Variants in PRKDC observed in about 807,000 individuals in gnomAD.
PRKDC encodes the protein protein kinase, DNA-activated, catalytic subunit.
Under a neutral mutation model 486.9 loss-of-function variants are expected in PRKDC, and 82 were observed. The ratio of observed to expected loss-of-function variants is 0.17; its 90% CI spans 0.14 to 0.20. The LOEUF (loss-of-function observed/expected upper bound fraction) is 0.20. Ranked by LOEUF, PRKDC falls within the 10% of genes least tolerant of loss-of-function variation. The probability of loss-of-function intolerance (pLI) is 1.00; values close to 1 mark genes in which losing one functional copy is unlikely to be tolerated. For missense variants in PRKDC, 4,504 were observed against 5,038.2 expected (o/e 0.89, Z 3.21); for synonymous variants, 1,895 against 1,837.0 (o/e 1.03, Z -0.81).
Position 47,895,339 on chromosome 8 carries a change from T to C in PRKDC, c.3598+1822A>G, listed in dbSNP as rs78107331. ...TCCTTAATGTTATACAAATTACCTG[T>C]TGGAAGAAGGGCAAGGCTCACCTAC... On this transcript the variant is annotated intron_variant, in intron 30 of 85. Coordinates refer to ENST00000314191, the MANE Select transcript of PRKDC (RefSeq NM_006904.7). Among the ~76,000 whole-genome samples, 135 of 152,314 alleles carry C rather than the reference T, an allele frequency of 8.9e-4. 3 individuals carry two copies. The East Asian group carries it at 0.024, about 27-fold the overall frequency.
At chr8:47,899,251 A>C (rs2089637170) in intron 28 of PRKDC, among the ~76,000 whole-genome samples, 1 of 152,258 alleles carries the variant, frequency 6.6e-6, no homozygotes, top group Non-Finnish European at 1.5e-5. Flanking sequence ...TAAACAAAGC[A>C]AATTTAAGCA....
In PRKDC at chr8:47,783,760, G is replaced by A. The variant is rs746537000; in HGVS notation, c.11157C>T (p.Ile3719=). The A allele has an allele frequency of 5.6e-6, 9 of 1,613,790 alleles. No individual in the cohort carries two copies. Among genetic ancestry groups the A allele is most frequent in the African/African-American group, 4.0e-5 (3 of 74,880 alleles). ...GKPLPEYHVR[I]AGFDERVTVM... is the part of the protein sequence containing the mutation. ...CACCTACCCGCTCATCAAACCCGGC[G>A]ATTCGCACGTGGTACTCTGGCAATG... is the stretch of plus-strand genomic sequence containing the variant. Residue 3719 remains isoleucine, a synonymous_variant, in exon 78 of 86, where the codon ATC becomes ATT. Coordinates refer to ENST00000314191, the MANE Select transcript of PRKDC (RefSeq NM_006904.7).
In PRKDC at chr8:47,834,369, G is replaced by A. The variant is rs1377591407; in HGVS notation, c.7979C>T (p.Thr2660Ile). The change falls in exon 59 of 86, where the codon ACC (threonine) becomes ATC (isoleucine). Residue 2660 changes from threonine (T) to isoleucine (I), a missense_variant. Physicochemically the swap from Thr to Ile is moderately conservative, Grantham distance 89. Coordinates refer to ENST00000314191, the MANE Select transcript of PRKDC (RefSeq NM_006904.7). ...ADGRSSFDWL[T>I]GSSTDPLVDH... Reference sequence around the variant, plus strand: ...GACCAGCGGGTCAGTGCTGCTCCCGGTCAGCCAATCAAATGAGCTTCTTCC... The same window carrying A: ...GACCAGCGGGTCAGTGCTGCTCCCGATCAGCCAATCAAATGAGCTTCTTCC... The A allele has an allele frequency of 6.2e-7, 1 of 1,613,642 alleles. No homozygotes were observed. Among genetic ancestry groups the A allele is most frequent in the African/African-American group, 1.3e-5 (1 of 74,908 alleles).
intron 76 of PRKDC, among the ~76,000 whole-genome samples, chr8:47,786,935 G>A (rs1050405847): frequency 4.0e-5 from 6 of 151,672 alleles, no homozygotes; most frequent in Admixed American, 6.6e-5. Context: ...CACCATGTTG[G>A]CCAGACTGGT....
chr8:47,835,620 CAAAAA>C lies in PRKDC; in HGVS notation c.7951+713_7951+717del, dbSNP rs71548446. Among the ~76,000 whole-genome samples the C allele has an allele frequency of 4.4e-4, 9 of 20,480 alleles. No individual in the cohort carries two copies. In the South Asian group the frequency reaches 0.017, roughly 38 times the overall value. 13.4% of individuals were successfully genotyped at this position (20,480 alleles called of 152,430 possible). A position where few individuals can be genotyped will look rare whatever the true frequency, so the allele number is the denominator to read the frequency against. ...CTGGTGACAGAGCAGGACTCTGTCT[CAAAAA>C]AAAAAAAAAAAAAAAAAAAAAAAAG... is the stretch of plus-strand genomic sequence containing the variant. On this transcript the variant is annotated intron_variant, in intron 58 of 85. Coordinates refer to ENST00000314191, the MANE Select transcript of PRKDC (RefSeq NM_006904.7).
rs2090021359 is a variant in PRKDC, at chr8:47,918,354, C to G, written c.2449G>C (p.Ala817Pro). 3 of 1,590,596 alleles carry G rather than the reference C, an allele frequency of 1.9e-6. No homozygotes were observed. The highest frequency in any genetic ancestry group is 1.3e-5 in the African/African-American group (1 of 74,742). The change falls in exon 22 of 86, where the codon GCT (alanine) becomes CCT (proline). Residue 817 changes from alanine to proline, a missense_variant. Coordinates refer to ENST00000314191, the MANE Select transcript of PRKDC (RefSeq NM_006904.7). ...DETKNNWEVSALSRAAQKGFN... is the reference protein window; with the variant it reads ...DETKNNWEVSPLSRAAQKGFN... ...CCTTTCTGGGCAGCCCGAGAAAGAG[C>G]TGACACTTCCCAGTTATTCTTGGTC... is the stretch of plus-strand genomic sequence containing the variant.
At chr8:47,820,993 T>C (rs765456163) in intron 65 of PRKDC, 50 bp from the exon 66 acceptor site, 4 of 1,151,144 alleles carry the variant, frequency 3.5e-6, no homozygotes, top group Non-Finnish European at 3.6e-6. Context: ...AATTTGAGTA[T>C]GTCTAATTAT....
intron 23 of PRKDC, 114 bp from the exon 24 acceptor site, chr8:47,914,178 A>T: frequency 1.1e-6 from 1 of 876,830 alleles, no homozygotes; most frequent in Non-Finnish European, 1.5e-6. Context: ...TATTAAAGTG[A>T]AGCACTTCAT....
chr8:47,927,387 G>A (rs771435015), intron 20 of PRKDC, 34 bp from the exon 21 acceptor site: 8 of 1,575,292 alleles, frequency 5.1e-6, no homozygotes, highest in South Asian at 1.2e-5. Context: ...AAACTGAAAC[G>A]CAGGAAATAT....
chr8:47,900,298 C>A, intron 28 of PRKDC, 75 bp downstream of exon 28: 1 of 1,032,836 alleles, frequency 9.7e-7, no homozygotes, highest in South Asian at 3.0e-5. Context: ...ATAAGAGAAT[C>A]ACACGAGCCT....
Position 47,862,416 on chromosome 8 carries a change from A to G in PRKDC, c.5876T>C (p.Leu1959Ser). ...AAACAGAAAACCTTGGTAAAATTTT[A>G]ACTCATTGAAGACACAGCAGATGAC... ...ISVICCVFNE[L>S]KFYQGFLFSE... The change falls in exon 43 of 86, where the codon TTA becomes TCA. Residue 1959 changes from leucine to serine, a missense_variant. Coordinates refer to ENST00000314191, the MANE Select transcript of PRKDC (RefSeq NM_006904.7). The G allele has an allele frequency of 6.2e-7, 1 of 1,614,002 alleles. No individual in the cohort carries two copies. The highest frequency in any genetic ancestry group is 1.1e-5 in the South Asian group (1 of 91,086).
At chr8:47,789,321 G>A (rs2086846548) in intron 74 of PRKDC, 83 bp from the exon 75 acceptor site, 1 of 468,420 alleles carries the variant, frequency 2.1e-6, no homozygotes, top group Non-Finnish European at 3.3e-6. Flanking sequence ...ACATATATAA[G>A]TTATATATTA....
At chr8:47,778,388 T>G in intron 83 of PRKDC, 71 bp downstream of exon 83, 1 of 1,485,974 alleles carries the variant, frequency 6.7e-7, no homozygotes, top group Non-Finnish European at 9.1e-7. Flanking sequence ...AACTGTCTAT[T>G]TCTGGAGGTT....
intron 72 of PRKDC, 74 bp downstream of exon 72, chr8:47,799,134 GAC>G (rs1269019981): frequency 1.3e-6 from 2 of 1,534,280 alleles, no homozygotes; most frequent in Non-Finnish European, 1.8e-6. Context: ...ACAAAGAGGA[GAC>G]CAAAGGTATG....
At chr8:47,924,231 T>C (rs1272797888) in intron 21 of PRKDC, among the ~76,000 whole-genome samples, 1 of 152,110 alleles carries the variant, frequency 6.6e-6, no homozygotes, top group Non-Finnish European at 1.5e-5. Flanking sequence ...CGGCCCCAGG[T>C]TGGAACCAAG....
chr8:47,949,534 T>C (rs2090593424), intron 7 of PRKDC, among the ~76,000 whole-genome samples: 1 of 152,212 alleles, frequency 6.6e-6, no homozygotes, highest in African/African-American at 2.4e-5. Context: ...AGTGCTGATT[T>C]ATAAGCCAAG....
intron 47 of PRKDC, 60 bp downstream of exon 47, chr8:47,858,789 C>G (rs1209524108): frequency 1.6e-5 from 25 of 1,545,082 alleles, no homozygotes; most frequent in Non-Finnish European, 2.2e-5. Context: ...ATTAAATGTT[C>G]ATTCTCAGTA....
rs1379141692 is a variant in PRKDC, at chr8:47,929,191, A to G, written c.2053-13T>C. 4 of 1,522,412 alleles carry G rather than the reference A, an allele frequency of 2.6e-6. No homozygotes were observed. In the East Asian group the frequency reaches 9.5e-5, roughly 36 times the overall value. The allele number at this position is 1,522,412 out of a possible 1,614,324, so 94.3% of individuals were successfully genotyped here. On this transcript the variant is annotated splice_polypyrimidine_tract_variant and intron_variant, in intron 18 of 85. Transcript: ENST00000314191. Reference sequence around the variant, plus strand: ...TTGGACTAACTCCCTGTCAAATAAAACAGCAAGTTAGTACACTGAACAAGA... The same window carrying G: ...TTGGACTAACTCCCTGTCAAATAAAGCAGCAAGTTAGTACACTGAACAAGA...
chr8:47,882,239 C>T (rs2089236178), intron 36 of PRKDC, 142 bp from the exon 37 acceptor site: 5 of 808,100 alleles, frequency 6.2e-6, no homozygotes, highest in African/African-American at 3.5e-5. Context: ...CAAAACTCCT[C>T]GAGTTTGATT....
Sources: allele counts gnomAD v4.1 joint callset (sites outside exome capture counted in the v4.1 genomes callset), GRCh38; gene constraint gnomAD v4.1.1; transcripts MANE v1.5; gene names NCBI Gene and HGNC (gene_info 2026-07-23, HGNC 2026-07-21).